PRKCH: variants seen among roughly 807,000 people sequenced by gnomAD.
PRKCH encodes protein kinase C eta type.
PRKCH carries 28 observed loss-of-function variants against 82.5 expected under a neutral mutation model. The observed-to-expected ratio is 0.34, with a 90% CI of 0.25 to 0.47. The LOEUF (loss-of-function observed/expected upper bound fraction) is 0.47. Among genes scored for constraint, PRKCH ranks in the 20% least tolerant of loss-of-function variants. The pLI, the probability that PRKCH is intolerant of heterozygous loss-of-function variation, is 1.00. For missense variants in PRKCH, 705 were observed against 881.8 expected, an observed-to-expected ratio of 0.80 and a Z score of 2.54; for synonymous variants, 322 against 327.4, an observed-to-expected ratio of 0.98 and a Z score of 0.18.
intron 1 of PRKCH, among the ~76,000 whole-genome samples, chr14:61,210,277 GCACTC>G (rs1475539396): frequency 1.3e-5 from 2 of 151,364 alleles, no homozygotes; most frequent in African/African-American, 4.9e-5. Flanking sequence ...TCGTGCCACT[GCACTC>G]CAGCCTGAGT....
intron 1 of PRKCH, among the ~76,000 whole-genome samples, chr14:61,370,966 G>A (rs1305544062): frequency 1.3e-5 from 2 of 152,094 alleles, no homozygotes; most frequent in South Asian, 2.1e-4. Flanking sequence ...CGTTAACATG[G>A]GAATGTTACA....
At position 61,272,510 on chromosome 14, in the gene PRKCH, C is replaced by T. The variant is rs2045166685; in HGVS notation, c.-19+84842C>T. Among the ~76,000 whole-genome samples, 2 of 151,674 alleles carry T rather than the reference C, an allele frequency of 1.3e-5. 1 individual carries two copies. Among genetic ancestry groups the T allele is most frequent in the South Asian group, 4.2e-4 (2 of 4,796 alleles). ...CTGGGACTACAGGCACACGCCACCACGGCCGGCTAGGTTTTGTATTTTTAG... is the reference window on the plus strand; with the variant it reads ...CTGGGACTACAGGCACACGCCACCATGGCCGGCTAGGTTTTGTATTTTTAG... On this transcript the variant is annotated intron_variant, in intron 1 of 3. Coordinates refer to the PRKCH transcript ENST00000555185.
In PRKCH at chr14:61,259,630, C is replaced by T. The variant is rs578122278; in HGVS notation, c.-19+71962C>T. Among the ~76,000 whole-genome samples, 8 of 152,320 alleles carry T rather than the reference C, an allele frequency of 5.3e-5. No homozygotes were observed. The South Asian group carries it at 1.7e-3, about 32-fold the overall frequency. ...CTAAATCTGTTGAAGCAGTCATACA[C>T]ATTATACTGTGAGAAACACTAGCCT... is the stretch of plus-strand genomic sequence containing the variant. On this transcript the variant is annotated intron_variant, in intron 1 of 3. Transcript: ENST00000555185.
chr14:61,440,711 T>C (rs990930589), intron 2 of PRKCH, among the ~76,000 whole-genome samples: 51 of 151,926 alleles, frequency 3.4e-4, no homozygotes, highest in African/African-American at 1.1e-3. Flanking sequence ...CTGTCTCTAC[T>C]AAAAATACGA....
intron 1 of PRKCH, among the ~76,000 whole-genome samples, chr14:61,356,198 A>T (rs2046146047): frequency 6.6e-6 from 1 of 152,140 alleles, no homozygotes; most frequent in African/African-American, 2.4e-5. Flanking sequence ...ATTGTTTTGC[A>T]GGCTGCCTGG....
chr14:61,549,072 G>A (rs2043295530), intron 13 of PRKCH, among the ~76,000 whole-genome samples: 1 of 152,168 alleles, frequency 6.6e-6, no homozygotes, highest in Admixed American at 6.5e-5. Context: ...TTCCTTCAAT[G>A]GTCAGCCCCC....
At chr14:61,379,946 A>G (rs975677872) in intron 1 of PRKCH, among the ~76,000 whole-genome samples, 4 of 152,096 alleles carry the variant, frequency 2.6e-5, no homozygotes, top group East Asian at 3.8e-4. Context: ...GGGATGCACA[A>G]TTACTCTTCT....
chr14:61,339,873 G>A (rs2045910227), intron 1 of PRKCH, among the ~76,000 whole-genome samples: 1 of 151,708 alleles, frequency 6.6e-6, no homozygotes, highest in African/African-American at 2.4e-5. Flanking sequence ...CATAGAGACA[G>A]AAAGGTCCTC....
intron 9 of PRKCH, among the ~76,000 whole-genome samples, chr14:61,467,633 C>A (rs762308210): frequency 6.6e-6 from 1 of 152,214 alleles, no homozygotes; most frequent in Non-Finnish European, 1.5e-5. Context: ...GGAGACTTTC[C>A]CCTTTACAGG....
chr14:61,385,237 A>G (rs568037186), intron 1 of PRKCH, among the ~76,000 whole-genome samples: 66 of 151,304 alleles, frequency 4.4e-4, no homozygotes, highest in African/African-American at 1.6e-3. Context: ...CTGTCAGTGC[A>G]TTAGCCAATG....
At chr14:61,196,377 A>G (rs2044442973) in intron 1 of PRKCH, among the ~76,000 whole-genome samples, 1 of 152,202 alleles carries the variant, frequency 6.6e-6, no homozygotes, top group African/African-American at 2.4e-5. Flanking sequence ...CCTTTGGATG[A>G]TGATACTAGT....
chr14:61,210,788 CTCTGTG>C (rs1289549200), intron 1 of PRKCH, among the ~76,000 whole-genome samples: 30 of 131,720 alleles, frequency 2.3e-4, no homozygotes, highest in African/African-American at 8.2e-4. Context: ...CTCTCTCTCT[CTCTGTG>C]TGTGTGTGTG....
intron 1 of PRKCH, among the ~76,000 whole-genome samples, chr14:61,328,031 A>G (rs972486053): frequency 6.6e-6 from 1 of 151,130 alleles, no homozygotes; most frequent in African/African-American, 2.4e-5. Context: ...CGGGTGGATC[A>G]TGAGGTCAGG....
At chr14:61,248,756 GTA>G (rs2044909564) in intron 1 of PRKCH, among the ~76,000 whole-genome samples, 2 of 105,242 alleles carry the variant, frequency 1.9e-5, no homozygotes, top group Non-Finnish European at 3.7e-5. Flanking sequence ...TTTTATGTAT[GTA>G]TGTATGTATG....
At chr14:61,454,442 T>C (rs942303235) in intron 7 of PRKCH, among the ~76,000 whole-genome samples, 2 of 152,110 alleles carry the variant, frequency 1.3e-5, no homozygotes, top group Admixed American at 6.5e-5. Context: ...GTCACTGTGG[T>C]CTGGTGAAAG....
chr14:61,348,544 G>A (rs1313891668), intron 1 of PRKCH, among the ~76,000 whole-genome samples: 1 of 152,218 alleles, frequency 6.6e-6, no homozygotes, highest in Non-Finnish European at 1.5e-5. Flanking sequence ...TTTATTGGGT[G>A]CAGTGAATGG....
intron 6 of PRKCH, 43 bp downstream of exon 6, chr14:61,451,014 A>G: frequency 2.5e-6 from 4 of 1,602,200 alleles, no homozygotes; most frequent in Non-Finnish European, 3.4e-6. Flanking sequence ...TCATGGGAAC[A>G]CTATGCCCTA....
chr14:61,253,119 A>G (rs996342733), intron 1 of PRKCH, among the ~76,000 whole-genome samples: 13 of 152,148 alleles, frequency 8.5e-5, no homozygotes, highest in African/African-American at 2.9e-4. Context: ...CCAACCCCAT[A>G]ATATATGTTT....
chr14:61,223,692 A>G (rs1273741802), intron 1 of PRKCH, among the ~76,000 whole-genome samples: 2 of 152,182 alleles, frequency 1.3e-5, no homozygotes, highest in African/African-American at 2.4e-5. Flanking sequence ...TCTGTATAAC[A>G]GAGAGAATAA....
Sources: allele counts gnomAD v4.1 joint callset (sites outside exome capture counted in the v4.1 genomes callset), GRCh38; gene constraint gnomAD v4.1.1; transcripts MANE v1.5; gene names NCBI Gene and HGNC (gene_info 2026-07-23, HGNC 2026-07-21).